LRCH1: variants seen among roughly 807,000 people sequenced by gnomAD.
LRCH1 encodes the protein leucine rich repeats and calponin homology domain containing 1, also known as leucine-rich repeat and calponin homology domain-containing protein 1.
In LRCH1, 23 loss-of-function variants were observed where a neutral mutation model predicts 94.9. That is an observed-to-expected ratio of 0.24 (90% CI 0.17 to 0.34). The LOEUF is 0.34. Among genes scored for constraint, LRCH1 ranks in the 10% least tolerant of loss-of-function variants. The pLI, the probability that LRCH1 is intolerant of heterozygous loss-of-function variation, is 1.00. For missense variants in LRCH1, 790 were observed against 945.9 expected, an observed-to-expected ratio of 0.84 and a Z score of 2.16; for synonymous variants, 364 against 354.9, an observed-to-expected ratio of 1.03 and a Z score of -0.29.
At chr13:46,621,959 A>G (rs1002676628) in intron 1 of LRCH1, among the ~76,000 whole-genome samples, 1 of 152,218 alleles carries the variant, frequency 6.6e-6, no homozygotes, top group African/African-American at 2.4e-5. Context: ...CGGATAAGAT[A>G]CAGGCTTATT....
Position 46,610,701 on chromosome 13 carries a change from T to C in LRCH1, c.308-39500T>C, listed in dbSNP as rs1053295879. Reference sequence around the variant, plus strand: ...GTATTCCATTATCTATCTCTGTATATGTATATATCACAACTTCTTTATCCA... The same window carrying C: ...GTATTCCATTATCTATCTCTGTATACGTATATATCACAACTTCTTTATCCA... On this transcript the variant is annotated intron_variant, in intron 1 of 19. Coordinates refer to ENST00000389797, the MANE Select transcript of LRCH1 (RefSeq NM_001164211.2). Among the ~76,000 whole-genome samples, 5 of 152,234 alleles carry C rather than the reference T, an allele frequency of 3.3e-5. No individual in the cohort carries two copies. In the East Asian group the frequency reaches 9.6e-4, roughly 29 times the overall value.
chr13:46,559,895 G>A (rs1191131728), intron 1 of LRCH1, among the ~76,000 whole-genome samples: 6 of 152,074 alleles, frequency 3.9e-5, no homozygotes, highest in Non-Finnish European at 7.4e-5. Flanking sequence ...TTGTGTGCGT[G>A]TGTTACTGTA....
At chr13:46,603,367 T>C (rs917305590) in intron 1 of LRCH1, among the ~76,000 whole-genome samples, 5 of 152,086 alleles carry the variant, frequency 3.3e-5, no homozygotes, top group African/African-American at 7.2e-5. Flanking sequence ...TCAGCCCCAT[T>C]CTCTTTCTGT....
At chr13:46,677,371 A>C (rs2051691478) in intron 3 of LRCH1, among the ~76,000 whole-genome samples, 1 of 151,930 alleles carries the variant, frequency 6.6e-6, no homozygotes, top group Non-Finnish European at 1.5e-5. Context: ...AGAGGTTTGC[A>C]GTGAGCCAAG....
chr13:46,615,765 A>T (rs137947993), intron 1 of LRCH1, among the ~76,000 whole-genome samples: 1 of 152,320 alleles, frequency 6.6e-6, no homozygotes, highest in Non-Finnish European at 1.5e-5. Context: ...CATATTTCTG[A>T]CATGTACAGA....
intron 16 of LRCH1, 123 bp downstream of exon 16, chr13:46,715,787 T>C: frequency 3.1e-6 from 2 of 650,744 alleles, no homozygotes; most frequent in Non-Finnish European, 5.4e-6. Context: ...TGAGAAATAA[T>C]GTGTAAGCCT....
intron 1 of LRCH1, among the ~76,000 whole-genome samples, chr13:46,561,865 T>C (rs1322573083): frequency 1.3e-5 from 2 of 152,244 alleles, no homozygotes; most frequent in Non-Finnish European, 2.9e-5. Context: ...AGCCCTTTCT[T>C]GCAGATGTCA....
chr13:46,652,258 A>G (rs369356003), intron 2 of LRCH1, among the ~76,000 whole-genome samples: 1 of 151,982 alleles, frequency 6.6e-6, no homozygotes, highest in Non-Finnish European at 1.5e-5. Flanking sequence ...TTGTATTTTT[A>G]GTAGAGGCGG....
chr13:46,648,937 G>T (rs904299592), intron 1 of LRCH1, among the ~76,000 whole-genome samples: 2 of 149,936 alleles, frequency 1.3e-5, no homozygotes, highest in African/African-American at 2.5e-5. Context: ...CTATTTATAA[G>T]GTGAATTGTT....
chr13:46,737,483 C>T (rs527897801), intron 19 of LRCH1, among the ~76,000 whole-genome samples: 127 of 152,276 alleles, frequency 8.3e-4, no homozygotes, highest in African/African-American at 2.9e-3. Flanking sequence ...GCAGCATTTT[C>T]ACATTGGCTA....
At chr13:46,705,003 C>G in intron 11 of LRCH1, 65 bp from the exon 12 acceptor site, 1 of 848,470 alleles carries the variant, frequency 1.2e-6, no homozygotes, top group East Asian at 2.7e-5. Flanking sequence ...TGAATAAGAC[C>G]AATAGAATTT....
chr13:46,571,901 C>CGGGA (rs1206426906), intron 1 of LRCH1, among the ~76,000 whole-genome samples: 4 of 140,500 alleles, frequency 2.8e-5, no homozygotes, highest in African/African-American at 1.0e-4. Flanking sequence ...AGAGAAAGAG[C>CGGGA]GGGAGGGAGG....
chr13:46,586,916 G>A (rs2050441467), intron 1 of LRCH1, among the ~76,000 whole-genome samples: 1 of 152,150 alleles, frequency 6.6e-6, no homozygotes, highest in Admixed American at 6.5e-5. Flanking sequence ...TTTCACCCAG[G>A]ATTTTGTCTT....
At chr13:46,712,882 TA>T (rs1193786361) in intron 15 of LRCH1, among the ~76,000 whole-genome samples, 1 of 152,200 alleles carries the variant, frequency 6.6e-6, no homozygotes, top group Non-Finnish European at 1.5e-5. Context: ...GATTTTTTTT[TA>T]CCTAAGGAAG....
rs149936567 is a variant in LRCH1, at chr13:46,684,708, C to T, written c.686-1197C>T. On this transcript the variant is annotated intron_variant, in intron 4 of 19. Transcript: ENST00000389797. ...TTCCTATTGTTTCACTTTCATGATT[C>T]CAGGGTCCTCCAGGATTAGTGTGGC... Among the ~76,000 whole-genome samples, 42 of 152,212 alleles carry T rather than the reference C, an allele frequency of 2.8e-4. No homozygotes were observed. The South Asian group carries it at 3.9e-3, about 14-fold the overall frequency.
intron 17 of LRCH1, among the ~76,000 whole-genome samples, chr13:46,724,420 T>A (rs1398895122): frequency 1.3e-5 from 2 of 152,220 alleles, no homozygotes; most frequent in Non-Finnish European, 2.9e-5. Context: ...ATCCTCACTT[T>A]GTACCCCAAA....
intron 1 of LRCH1, among the ~76,000 whole-genome samples, chr13:46,609,501 AT>A (rs954168041): frequency 2.0e-5 from 3 of 151,588 alleles, no homozygotes; most frequent in Non-Finnish European, 2.9e-5. Context: ...AGCTACTGAT[AT>A]TTTTTTTTGA....
At chr13:46,641,957 CGGACGTGGGGA>C (rs1451254363) in intron 1 of LRCH1, among the ~76,000 whole-genome samples, 3 of 152,164 alleles carry the variant, frequency 2.0e-5, no homozygotes, top group Non-Finnish European at 2.9e-5. Flanking sequence ...CATTAAGAGG[CGGACGTGGGGA>C]GGACGTGGTT....
intron 1 of LRCH1, among the ~76,000 whole-genome samples, chr13:46,632,947 A>G (rs751793931): frequency 6.6e-6 from 1 of 152,234 alleles, no homozygotes; most frequent in Non-Finnish European, 1.5e-5. Context: ...TTTATTGTCA[A>G]CAACTTCATT....
Sources: allele counts gnomAD v4.1 joint callset (sites outside exome capture counted in the v4.1 genomes callset), GRCh38; gene constraint gnomAD v4.1.1; transcripts MANE v1.5; gene names NCBI Gene and HGNC (gene_info 2026-07-23, HGNC 2026-07-21).